The following SFXN5 variants were observed in gnomAD, a reference collection of about 807,000 sequenced individuals.
The protein encoded by SFXN5 is sideroflexin-5.
SFXN5 carries 43 observed loss-of-function variants against 50.2 expected under a neutral mutation model. The ratio of observed to expected loss-of-function variants is 0.86; its 90% CI spans 0.67 to 1.11. The LOEUF (loss-of-function observed/expected upper bound fraction) is 1.11, where lower values mean the gene tolerates loss of function less well. SFXN5 is among the 50% of genes least tolerant of loss of function. The pLI, the probability that SFXN5 is intolerant of heterozygous loss-of-function variation, is 0.00. For synonymous variants in SFXN5, 203 were observed against 185.8 expected, an observed-to-expected ratio of 1.09 and a Z score of -0.75; for missense variants, 463 against 454.1, an observed-to-expected ratio of 1.02 and a Z score of -0.18.
At chr2:73,005,282 C>T (rs1674485258) in intron 6 of SFXN5, among the ~76,000 whole-genome samples, 1 of 152,260 alleles carries the variant, frequency 6.6e-6, no homozygotes, top group Non-Finnish European at 1.5e-5. Flanking sequence ...TCTGCCGCTC[C>T]AGCCCCCTGG....
chr2:72,989,002 C>G (rs1672250331), intron 9 of SFXN5, among the ~76,000 whole-genome samples: 1 of 152,206 alleles, frequency 6.6e-6, no homozygotes, highest in Non-Finnish European at 1.5e-5. Context: ...CACTCCAGTC[C>G]ATCTCCTAGG....
In SFXN5 at chr2:72,945,638, C is replaced by A. The variant is rs1250490849; in HGVS notation, c.946-539G>T. Reference sequence around the variant, plus strand: ...CACTCAGTCTTTACATCTTCCCCTGCAGTCCCGATTCCAGGGGCCATCCCT... The same window carrying A: ...CACTCAGTCTTTACATCTTCCCCTGAAGTCCCGATTCCAGGGGCCATCCCT... On this transcript the variant is annotated intron_variant, in intron 13 of 13. Coordinates refer to ENST00000272433, the MANE Select transcript of SFXN5 (RefSeq NM_144579.3). The surrounding 1 kb of genome is among the most constrained non-coding windows in gnomAD (Gnocchi z 5.8). 1.3e-5 allele frequency among the ~76,000 whole-genome samples: 2 copies of A among 152,152 alleles called. No homozygotes were observed. The highest frequency in any genetic ancestry group is 2.9e-5 in the Non-Finnish European group (2 of 68,024).
At chr2:73,036,883 G>T (rs891072382) in intron 3 of SFXN5, among the ~76,000 whole-genome samples, 7 of 152,214 alleles carry the variant, frequency 4.6e-5, no homozygotes, top group African/African-American at 1.7e-4. Context: ...CCATTGCTCA[G>T]GGAAGAGGAG....
intron 12 of SFXN5, among the ~76,000 whole-genome samples, chr2:72,967,585 A>G (rs531409552): frequency 6.6e-5 from 10 of 152,286 alleles, no homozygotes; most frequent in Non-Finnish European, 8.8e-5. Context: ...CCAAACAGGG[A>G]AGAATCCTTT....
intron 6 of SFXN5, among the ~76,000 whole-genome samples, chr2:73,003,254 C>T (rs1674164080): frequency 6.6e-6 from 1 of 152,266 alleles, no homozygotes; most frequent in South Asian, 2.1e-4. Flanking sequence ...CTGTTTGGAG[C>T]CCAGCACGTC....
intron 9 of SFXN5, chr2:72,998,647 C>T: frequency 2.5e-6 from 1 of 397,628 alleles, no homozygotes; most frequent in Non-Finnish European, 4.5e-6. Context: ...GCATGAGGAG[C>T]AGCTCTTCCG....
At position 72,961,206 on chromosome 2, in the gene SFXN5, C is replaced by A; in HGVS notation, c.870G>T (p.Val290=). 6.4e-7 allele frequency: 1 copy of A among 1,553,764 alleles called. No individual in the cohort carries two copies. Among genetic ancestry groups the A allele is most frequent in the Non-Finnish European group, 8.6e-7 (1 of 1,156,390 alleles). The change falls in exon 13 of 14, where the codon GTG becomes GTT. Residue 290 remains valine, a synonymous_variant. Coordinates refer to ENST00000272433, the MANE Select transcript of SFXN5 (RefSeq NM_144579.3). This position sits in a 1 kb window ranked among gnomAD's most constrained non-coding sequence, Gnocchi z 4.4. ...LQARPRLLLP[V]QSLVCLAAFG... is the part of the protein sequence containing the mutation. ...AGGCTGCCAGGCACACGAGGCTTTGCACAGGGAGGAGCAGCCGGGGGCGTG... is the reference window on the plus strand; with the variant it reads ...AGGCTGCCAGGCACACGAGGCTTTGAACAGGGAGGAGCAGCCGGGGGCGTG...
chr2:73,063,262 T>C (rs1412031582), intron 1 of SFXN5, among the ~76,000 whole-genome samples: 3 of 152,078 alleles, frequency 2.0e-5, no homozygotes, highest in Non-Finnish European at 2.9e-5. Flanking sequence ...CAGGTACAGA[T>C]TGCCCTAAGA....
chr2:72,984,464 G>A (rs1282882648), intron 10 of SFXN5, among the ~76,000 whole-genome samples: 1 of 152,274 alleles, frequency 6.6e-6, no homozygotes, highest in Non-Finnish European at 1.5e-5. Context: ...TCAGCTATAT[G>A]GGTGAGGGGT....
intron 2 of SFXN5, among the ~76,000 whole-genome samples, chr2:73,050,394 AC>A (rs1681126105): frequency 1.4e-5 from 2 of 142,740 alleles, no homozygotes; most frequent in East Asian, 4.3e-4. Flanking sequence ...CAGCGCACGC[AC>A]ACACACACAC....
chr2:73,003,823 G>C (rs1445497211), intron 6 of SFXN5, among the ~76,000 whole-genome samples: 1 of 152,026 alleles, frequency 6.6e-6, no homozygotes. Flanking sequence ...CACTGCCCAT[G>C]GCTCTGTGAC....
At chr2:73,007,675 T>C (rs1270314279) in intron 6 of SFXN5, among the ~76,000 whole-genome samples, 1 of 152,090 alleles carries the variant, frequency 6.6e-6, no homozygotes, top group East Asian at 1.9e-4. Flanking sequence ...TCTTTACATC[T>C]CATCCCCTTC....
chr2:73,062,464 T>TTG (rs1430750578), intron 1 of SFXN5, among the ~76,000 whole-genome samples: 5 of 152,166 alleles, frequency 3.3e-5, no homozygotes, highest in Admixed American at 3.3e-4. Context: ...AAGCAACTTC[T>TTG]TGAAGATGGT....
At chr2:73,034,503 C>G (rs1678715194) in intron 3 of SFXN5, among the ~76,000 whole-genome samples, 1 of 152,188 alleles carries the variant, frequency 6.6e-6, no homozygotes, top group African/African-American at 2.4e-5. Context: ...AGCTCTTTCT[C>G]CTAGGCAGGT....
At chr2:72,998,858 C>A (rs1208321603) in intron 9 of SFXN5, 91 bp downstream of exon 9, 46 of 1,412,606 alleles carry the variant, frequency 3.3e-5, no homozygotes, top group Non-Finnish European at 4.2e-5. Context: ...CCTTGCCTGG[C>A]CTGGCCCTCA....
At chr2:72,978,003 GGA>G (rs1670840679) in intron 10 of SFXN5, among the ~76,000 whole-genome samples, 1 of 113,484 alleles carries the variant, frequency 8.8e-6, no homozygotes, top group African/African-American at 4.3e-5. Context: ...GAAAGAATAA[GGA>G]AAAAAAAAAA....
At chr2:72,958,399 T>G (rs1673340238) in intron 13 of SFXN5, among the ~76,000 whole-genome samples, 1 of 152,202 alleles carries the variant, frequency 6.6e-6, no homozygotes, top group Admixed American at 6.5e-5. Flanking sequence ...GCTGGTCCCA[T>G]GGCTTTTCTG....
intron 6 of SFXN5, among the ~76,000 whole-genome samples, chr2:73,011,734 T>A (rs530712979): frequency 6.6e-6 from 1 of 152,162 alleles, no homozygotes; most frequent in Non-Finnish European, 1.5e-5. Flanking sequence ...CCTTCTCCCA[T>A]CAGATTGGCA....
rs1025745695 is a variant in SFXN5, at chr2:72,999,139, A to G, written c.469-125T>C. The stretch of plus-strand genomic sequence containing the variant: ...AGCCTGGAAAGTGGGTAGAAGGAAG[A>G]GGCCCCTCAGGACTCAAAGGGATCA... On this transcript the variant is annotated intron_variant, in intron 8 of 13. Transcript: ENST00000272433. 13 of 929,836 alleles carry G rather than the reference A, an allele frequency of 1.4e-5. No individual in the cohort carries two copies. In the Admixed American group the frequency reaches 2.1e-4, roughly 15 times the overall value. The allele number at this position is 929,836 out of a possible 1,614,324, so 57.6% of individuals were successfully genotyped here.
Sources: gnomAD v4.1 joint callset for allele counts (sites outside exome capture counted in the v4.1 genomes callset) on GRCh38, gnomAD v4.1.1 for gene constraint, Gnocchi (gnomAD v3.1) non-coding constraint, MANE v1.5 for transcripts, NCBI Gene and HGNC (gene_info 2026-07-23, HGNC 2026-07-21) for gene names.